The following THSD7B variants were observed in gnomAD, a reference collection of about 807,000 sequenced individuals.
THSD7B encodes the protein thrombospondin type-1 domain-containing protein 7B.
Under a neutral mutation model 213.6 loss-of-function variants are expected in THSD7B, and 138 were observed. The observed-to-expected ratio is 0.65, with a 90% CI of 0.56 to 0.74. The LOEUF is 0.74. THSD7B is among the 30% of genes least tolerant of loss of function. THSD7B has a pLI of 0.00. For missense variants in THSD7B, 1,931 were observed against 1,991.5 expected (o/e 0.97, Z 0.58); for synonymous variants, 742 against 687.0 (o/e 1.08, Z -1.25).
At chr2:137,558,019 G>T (rs561759284) in intron 15 of THSD7B, among the ~76,000 whole-genome samples, 1 of 152,186 alleles carries the variant, frequency 6.6e-6, no homozygotes, top group Non-Finnish European at 1.5e-5. Context: ...CCAGGAAGAA[G>T]TTGAATTCCT....
At chr2:136,786,050 A>G (rs1211154682) in intron 1 of THSD7B, among the ~76,000 whole-genome samples, 1 of 152,224 alleles carries the variant, frequency 6.6e-6, no homozygotes, top group African/African-American at 2.4e-5. Context: ...GCTGTAATTC[A>G]AAGTATTGTC....
intron 20 of THSD7B, among the ~76,000 whole-genome samples, chr2:137,636,371 C>T (rs1682832705): frequency 1.3e-5 from 2 of 152,176 alleles, no homozygotes; most frequent in Admixed American, 1.3e-4. Flanking sequence ...CAGCCAAAAA[C>T]TTTATGTTCA....
intron 12 of THSD7B, among the ~76,000 whole-genome samples, chr2:137,301,411 A>G (rs1683597671): frequency 6.6e-6 from 1 of 151,980 alleles, no homozygotes; most frequent in Non-Finnish European, 1.5e-5. Context: ...ACAAAATTAA[A>G]CTCTTTTACC....
intron 1 of THSD7B, among the ~76,000 whole-genome samples, chr2:136,824,068 A>G (rs1175312256): frequency 6.6e-6 from 1 of 152,186 alleles, no homozygotes; most frequent in Non-Finnish European, 1.5e-5. Flanking sequence ...ATATTCATTT[A>G]TCACCATTTT....
chr2:137,487,098 G>A (rs1340125578), intron 15 of THSD7B, among the ~76,000 whole-genome samples: 12 of 150,658 alleles, frequency 8.0e-5, no homozygotes, highest in Non-Finnish European at 1.8e-4. Context: ...GCCGGGCGCG[G>A]TGGCTCACGC....
intron 2 of THSD7B, among the ~76,000 whole-genome samples, chr2:136,912,113 G>C (rs1186450761): frequency 6.6e-6 from 1 of 151,976 alleles, no homozygotes; most frequent in Non-Finnish European, 1.5e-5. Flanking sequence ...AAGAGTTCTA[G>C]ACCAGCCTGG....
At chr2:136,933,297 G>A (rs541015016) in intron 2 of THSD7B, among the ~76,000 whole-genome samples, 2 of 152,118 alleles carry the variant, frequency 1.3e-5, no homozygotes, top group South Asian at 2.1e-4. Context: ...TAGTTTAGCC[G>A]GGCGTGGTGG....
At chr2:137,355,956 G>T (rs1004449372) in intron 12 of THSD7B, among the ~76,000 whole-genome samples, 1 of 152,092 alleles carries the variant, frequency 6.6e-6, no homozygotes, top group Non-Finnish European at 1.5e-5. Context: ...GTTAGGCATG[G>T]TAGTGTGTCA....
chr2:137,184,509 T>A (rs184129234), intron 7 of THSD7B, among the ~76,000 whole-genome samples: 13 of 152,284 alleles, frequency 8.5e-5, no homozygotes, highest in Admixed American at 7.9e-4. Context: ...TAGGATTCTA[T>A]GTGGAAACAC....
At chr2:137,652,874 T>C (rs1344449949) in intron 21 of THSD7B, among the ~76,000 whole-genome samples, 5 of 152,160 alleles carry the variant, frequency 3.3e-5, no homozygotes, top group African/African-American at 1.2e-4. Flanking sequence ...TTGACTTTCA[T>C]TTTTCTCAAT....
In THSD7B at chr2:137,676,282, A is replaced by ACTC. The variant is rs543041162; in HGVS notation, c.4740-241_4740-239dup. Among the ~76,000 whole-genome samples, 341 of 152,172 alleles carry ACTC rather than the reference A, an allele frequency of 2.2e-3. 1 individual carries two copies. The highest frequency in any genetic ancestry group is 7.8e-3 in the African/African-American group (322 of 41,520). On this transcript the variant is annotated intron_variant, in intron 27 of 27. Transcript: ENST00000409968. ...TCATCAAGAATATAAAAGGAAAACA[A>ACTC]CTCTTCTACTAAGTTCCTTCATTCC...
At chr2:136,929,399 G>C (rs1257228562) in intron 2 of THSD7B, among the ~76,000 whole-genome samples, 2 of 152,066 alleles carry the variant, frequency 1.3e-5, no homozygotes, top group African/African-American at 4.8e-5. Context: ...TCAATCAATA[G>C]TATTAAAGTA....
intron 17 of THSD7B, among the ~76,000 whole-genome samples, chr2:137,613,381 T>C (rs1573743415): frequency 6.6e-6 from 1 of 152,200 alleles, no homozygotes; most frequent in South Asian, 2.1e-4. Flanking sequence ...GCACATCATC[T>C]TGAGCGATAT....
At chr2:136,971,792 A>T (rs1685409295) in intron 2 of THSD7B, among the ~76,000 whole-genome samples, 1 of 152,082 alleles carries the variant, frequency 6.6e-6, no homozygotes, top group Non-Finnish European at 1.5e-5. Context: ...ATGCCAACTC[A>T]GTTTAAATTT....
At chr2:137,202,003 C>G (rs1189219698) in intron 7 of THSD7B, among the ~76,000 whole-genome samples, 1 of 152,090 alleles carries the variant, frequency 6.6e-6, no homozygotes, top group Non-Finnish European at 1.5e-5. Flanking sequence ...GTACTTGATT[C>G]TCTATAGATT....
chr2:137,336,649 A>G (rs1175100758), intron 12 of THSD7B, among the ~76,000 whole-genome samples: 2 of 152,160 alleles, frequency 1.3e-5, no homozygotes, highest in Non-Finnish European at 1.5e-5. Flanking sequence ...AGGAGCTGCA[A>G]TGAGCTAGAA....
intron 12 of THSD7B, among the ~76,000 whole-genome samples, chr2:137,395,604 G>C (rs1415922059): frequency 6.6e-6 from 1 of 152,160 alleles, no homozygotes. Flanking sequence ...TGTTCTTCAA[G>C]GATATTGGTC....
At chr2:136,884,465 C>T (rs1053411483) in intron 2 of THSD7B, among the ~76,000 whole-genome samples, 4 of 152,140 alleles carry the variant, frequency 2.6e-5, no homozygotes, top group Admixed American at 6.5e-5. Context: ...CACTTTCCTC[C>T]AGCTTTCATA....
chr2:137,023,427 A>C (rs1379424092), intron 2 of THSD7B, among the ~76,000 whole-genome samples: 1 of 152,088 alleles, frequency 6.6e-6, no homozygotes, highest in African/African-American at 2.4e-5. Flanking sequence ...CTGTATTAGG[A>C]AGGGACTCTG....
Sources: gnomAD v4.1 joint callset for allele counts (sites outside exome capture counted in the v4.1 genomes callset) on GRCh38, gnomAD v4.1.1 for gene constraint, MANE v1.5 for transcripts, NCBI Gene and HGNC (gene_info 2026-07-23, HGNC 2026-07-21) for gene names.